The following TEAD1 variants were observed in gnomAD, a reference collection of about 807,000 sequenced individuals.
The protein encoded by TEAD1 is TEA domain transcription factor 1, also known as transcriptional enhancer factor TEF-1.
A neutral mutation model predicts 54.9 loss-of-function variants in TEAD1; 9 were observed. The observed-to-expected ratio is 0.16, with a 90% confidence interval of 0.10 to 0.29. The LOEUF is 0.29. Ranked by LOEUF, TEAD1 falls within the 10% of genes least tolerant of loss-of-function variation. The probability of loss-of-function intolerance (pLI) is 1.00; values close to 1 mark genes in which losing one functional copy is unlikely to be tolerated. For synonymous variants in TEAD1, 200 were observed against 187.8 expected, an observed-to-expected ratio of 1.07 and a Z score of -0.53; for missense variants, 387 against 535.9, an observed-to-expected ratio of 0.72 and a Z score of 2.74.
At chr11:12,881,868 ACT>A in intron 7 of TEAD1, 26 bp from the exon 8 acceptor site, 1 of 1,613,180 alleles carries the variant, frequency 6.2e-7, no homozygotes, top group South Asian at 1.1e-5. Context: ...CGATCTCTTA[ACT>A]CTGTCTGCCA....
chr11:12,745,647 T>TTATA (rs1944732849), intron 2 of TEAD1, among the ~76,000 whole-genome samples: 1 of 151,250 alleles, frequency 6.6e-6, no homozygotes, highest in Non-Finnish European at 1.5e-5. Flanking sequence ...CGGCTGTGTC[T>TTATA]TATAATACGT....
chr11:12,741,193 T>G (rs901064250), intron 2 of TEAD1, among the ~76,000 whole-genome samples: 1 of 152,176 alleles, frequency 6.6e-6, no homozygotes, highest in Non-Finnish European at 1.5e-5. Context: ...TTTAGTTCAT[T>G]TTAATTATTC....
intron 4 of TEAD1, among the ~76,000 whole-genome samples, chr11:12,862,962 G>T (rs1436069219): frequency 6.6e-6 from 1 of 151,904 alleles, no homozygotes; most frequent in Admixed American, 6.5e-5. Flanking sequence ...TCTCTGACAT[G>T]AGCCAGTTTA....
At chr11:12,759,636 G>A (rs1320749493) in intron 2 of TEAD1, among the ~76,000 whole-genome samples, 1 of 152,206 alleles carries the variant, frequency 6.6e-6, no homozygotes, top group African/African-American at 2.4e-5. Flanking sequence ...TCCAAGGTGG[G>A]CGGATTATGA....
intron 2 of TEAD1, among the ~76,000 whole-genome samples, chr11:12,744,903 G>A (rs1944716407): frequency 6.6e-6 from 1 of 152,140 alleles, no homozygotes; most frequent in South Asian, 2.1e-4. Context: ...GGTTCTGAGA[G>A]GCCCTAATGG....
At chr11:12,882,893 G>A (rs1302352907) in intron 8 of TEAD1, 108 bp from the exon 9 acceptor site, 22 of 1,542,834 alleles carry the variant, frequency 1.4e-5, no homozygotes, top group Admixed American at 3.4e-5. Context: ...TGGAGAGGGG[G>A]CTGTTGGCAT....
intron 2 of TEAD1, among the ~76,000 whole-genome samples, chr11:12,686,130 A>C (rs1407434158): frequency 6.6e-6 from 1 of 152,164 alleles, no homozygotes; most frequent in Non-Finnish European, 1.5e-5. Flanking sequence ...TTGTCTTGGC[A>C]TAATCCTTAA....
intron 2 of TEAD1, among the ~76,000 whole-genome samples, chr11:12,746,279 C>G (rs1478173228): frequency 6.6e-6 from 1 of 152,150 alleles, no homozygotes; most frequent in African/African-American, 2.4e-5. Flanking sequence ...CCCTTGAAGT[C>G]CTACCTCTTC....
chr11:12,807,734 C>T (rs201093997), intron 3 of TEAD1, among the ~76,000 whole-genome samples: 12 of 152,292 alleles, frequency 7.9e-5, no homozygotes, highest in East Asian at 1.9e-4. Context: ...GAGGGCTGCA[C>T]GGAAAATTCC....
chr11:12,804,815 C>T (rs1322210478), intron 3 of TEAD1, among the ~76,000 whole-genome samples: 5 of 152,080 alleles, frequency 3.3e-5, no homozygotes, highest in Admixed American at 6.6e-5. Flanking sequence ...TTAGAGAGAA[C>T]GTAAAAACTA....
intron 11 of TEAD1, among the ~76,000 whole-genome samples, chr11:12,925,398 C>T (rs1342078766): frequency 2.6e-5 from 4 of 152,164 alleles, no homozygotes; most frequent in Non-Finnish European, 5.9e-5. Flanking sequence ...ACCATCAGAT[C>T]TGGTGAGAAC....
chr11:12,837,309 AG>A (rs1289741832), intron 3 of TEAD1, among the ~76,000 whole-genome samples: 1 of 137,372 alleles, frequency 7.3e-6, no homozygotes, highest in Non-Finnish European at 1.6e-5. Flanking sequence ...AAACAAGAAA[AG>A]GGCTTTCTGT....
At chr11:12,914,217 GC>G (rs1948669415) in intron 10 of TEAD1, among the ~76,000 whole-genome samples, 1 of 152,358 alleles carries the variant, frequency 6.6e-6, no homozygotes, top group African/African-American at 2.4e-5. Context: ...ATTAGAGCAA[GC>G]TTTTAAGATT....
At chr11:12,781,424 C>T (rs1327613120) in intron 3 of TEAD1, among the ~76,000 whole-genome samples, 1 of 151,884 alleles carries the variant, frequency 6.6e-6, no homozygotes, top group Non-Finnish European at 1.5e-5. Flanking sequence ...AATCATAAAT[C>T]TAGTAAGCAA....
In TEAD1 at chr11:12,856,174, T is replaced by C. The variant is rs1947375183; in HGVS notation, c.203-6076T>C. The stretch of plus-strand genomic sequence containing the variant: ...TTTATGTTCATGATCTGGTGCCAAA[T>C]TGGGACTACAGGGATGTAGGAGCCT... On this transcript the variant is annotated intron_variant, in intron 3 of 12. Coordinates refer to ENST00000527636, the MANE Select transcript of TEAD1 (RefSeq NM_021961.6). Among the ~76,000 whole-genome samples, 9 of 149,824 alleles carry C rather than the reference T, an allele frequency of 6.0e-5. No individual in the cohort carries two copies. The Admixed American group carries it at 6.0e-4, about 10-fold the overall frequency.
intron 10 of TEAD1, among the ~76,000 whole-genome samples, chr11:12,908,881 C>CTTTTTTTTTTTTTTTTTTTTT (rs1564986691): frequency 1.3e-5 from 1 of 74,318 alleles, no homozygotes; most frequent in African/African-American, 6.2e-5. Context: ...TTCAAATTAT[C>CTTTTTTTTTTTTTTTTTTTTT]TGTTTTTTTT....
At chr11:12,774,551 C>A (rs1354157681) in intron 3 of TEAD1, among the ~76,000 whole-genome samples, 2 of 152,030 alleles carry the variant, frequency 1.3e-5, no homozygotes, top group African/African-American at 4.8e-5. Flanking sequence ...TTCCTCTTCC[C>A]AAATTCTTCA....
chr11:12,843,736 C>T (rs557822309), intron 3 of TEAD1, among the ~76,000 whole-genome samples: 1 of 152,308 alleles, frequency 6.6e-6, no homozygotes, highest in South Asian at 2.1e-4. Flanking sequence ...GAAATAACTC[C>T]ATGTATGGAA....
chr11:12,698,347 A>G (rs1943630316), intron 2 of TEAD1, among the ~76,000 whole-genome samples: 1 of 151,920 alleles, frequency 6.6e-6, no homozygotes. Context: ...GGAAAGGTGA[A>G]GTGGGGGTGG....
Sources: allele counts gnomAD v4.1 joint callset (sites outside exome capture counted in the v4.1 genomes callset), GRCh38; gene constraint gnomAD v4.1.1; transcripts MANE v1.5; gene names NCBI Gene and HGNC (gene_info 2026-07-23, HGNC 2026-07-21).